CCDC60: variants seen among roughly 807,000 people sequenced by gnomAD.
CCDC60 encodes the protein coiled-coil domain containing 60, also known as coiled-coil domain-containing protein 60.
In CCDC60, 54 loss-of-function variants were observed where a neutral mutation model predicts 63.5. The observed-to-expected ratio is 0.85, with a 90% confidence interval of 0.68 to 1.07. CCDC60 has a LOEUF of 1.07. Ranked by LOEUF, CCDC60 falls within the 50% of genes least tolerant of loss-of-function variation. The pLI is 0.00. For missense variants in CCDC60, 651 were observed against 684.3 expected (o/e 0.95, Z 0.54); for synonymous variants, 206 against 238.8 (o/e 0.86, Z 1.27).
chr12:119,403,467 T>C lies in CCDC60; in HGVS notation c.91-25216T>C, dbSNP rs551004135. ...ATAACGTCGAGCTTTAATCACCAAGTTGCAGATTTCCTGGGCTTGCAGTCC... is the reference window on the plus strand; with the variant it reads ...ATAACGTCGAGCTTTAATCACCAAGCTGCAGATTTCCTGGGCTTGCAGTCC... On this transcript the variant is annotated intron_variant, in intron 1 of 13. Coordinates refer to ENST00000327554, the MANE Select transcript of CCDC60 (RefSeq NM_178499.5). Among the ~76,000 whole-genome samples the C allele has an allele frequency of 2.6e-5, 4 of 152,230 alleles. No homozygotes were observed. In the South Asian group the frequency reaches 6.2e-4, roughly 24 times the overall value.
chr12:119,524,065 G>A (rs1409492723), intron 11 of CCDC60, among the ~76,000 whole-genome samples: 2 of 152,166 alleles, frequency 1.3e-5, no homozygotes, highest in Non-Finnish European at 1.5e-5. Context: ...GAGATAGAGA[G>A]CATAGGTACC....
rs529718184 is a variant in CCDC60 at position 119,477,165 on chromosome 12, C to G, written c.342-1929C>G. Reference sequence around the variant, plus strand: ...TCACAGGCTGCCAGCTTCCCCACAGCATGGCAGCTGAATGCTGAGTGAGCA... The same window carrying G: ...TCACAGGCTGCCAGCTTCCCCACAGGATGGCAGCTGAATGCTGAGTGAGCA... On this transcript the variant is annotated intron_variant, in intron 3 of 13. Coordinates refer to ENST00000327554, the MANE Select transcript of CCDC60 (RefSeq NM_178499.5). Among the ~76,000 whole-genome samples the G allele has an allele frequency of 3.3e-5, 5 of 152,318 alleles. No homozygotes were observed. In the South Asian group the frequency reaches 1.0e-3, roughly 32 times the overall value.
chr12:119,460,623 A>G (rs11064807), intron 2 of CCDC60, among the ~76,000 whole-genome samples: 25,060 of 152,196 alleles, frequency 0.16, 2,351 homozygotes, highest in East Asian at 0.3. Context: ...AGGTCTGTTC[A>G]ATGTCTTCTC....
At chr12:119,415,674 G>A (rs1033869786) in intron 1 of CCDC60, among the ~76,000 whole-genome samples, 3 of 152,184 alleles carry the variant, frequency 2.0e-5, no homozygotes, top group African/African-American at 4.8e-5. Flanking sequence ...GACAATGGAG[G>A]GAAAAGACTG....
chr12:119,503,896 C>T (rs773967385), intron 6 of CCDC60, among the ~76,000 whole-genome samples: 7 of 152,160 alleles, frequency 4.6e-5, no homozygotes, highest in Non-Finnish European at 1.0e-4. Context: ...TCAAACACTA[C>T]GAATTTCATC....
At chr12:119,390,261 T>C (rs1956133046) in intron 1 of CCDC60, among the ~76,000 whole-genome samples, 1 of 152,200 alleles carries the variant, frequency 6.6e-6, no homozygotes, top group African/African-American at 2.4e-5. Context: ...GTTTAGATAC[T>C]ACTTCCCAAA....
At chr12:119,414,922 G>A (rs933528484) in intron 1 of CCDC60, among the ~76,000 whole-genome samples, 1 of 152,302 alleles carries the variant, frequency 6.6e-6, no homozygotes, top group East Asian at 1.9e-4. Context: ...GTGTAACCTT[G>A]AACAACTTCA....
At chr12:119,338,795 C>G (rs969350718) in intron 1 of CCDC60, among the ~76,000 whole-genome samples, 1 of 152,114 alleles carries the variant, frequency 6.6e-6, no homozygotes, top group Non-Finnish European at 1.5e-5. Context: ...GTGGCCTCTC[C>G]CGGGGGAAGG....
chr12:119,391,913 C>T (rs1365527139), intron 1 of CCDC60, among the ~76,000 whole-genome samples: 1 of 152,068 alleles, frequency 6.6e-6, no homozygotes, highest in African/African-American at 2.4e-5. Flanking sequence ...TCTGAGTGCT[C>T]GAGACAGCTG....
intron 2 of CCDC60, among the ~76,000 whole-genome samples, chr12:119,468,598 A>T (rs1215254654): frequency 1.3e-5 from 2 of 152,252 alleles, no homozygotes; most frequent in Admixed American, 1.3e-4. Flanking sequence ...GAGCACATTC[A>T]TAAAGAGCAA....
chr12:119,502,980 G>A (rs1327429559), intron 6 of CCDC60, among the ~76,000 whole-genome samples: 1 of 152,066 alleles, frequency 6.6e-6, no homozygotes, highest in Non-Finnish European at 1.5e-5. Flanking sequence ...ACCAGCCTGG[G>A]CAACATGGTG....
chr12:119,419,890 TTTG>T (rs1453191876), intron 1 of CCDC60, among the ~76,000 whole-genome samples: 8 of 67,668 alleles, frequency 1.2e-4, no homozygotes, highest in African/African-American at 1.9e-4. Flanking sequence ...TTTTTTTTTT[TTTG>T]GAGACAGAGT....
intron 2 of CCDC60, among the ~76,000 whole-genome samples, chr12:119,458,509 A>G (rs1044416484): frequency 3.3e-5 from 5 of 152,158 alleles, no homozygotes; most frequent in Non-Finnish European, 5.9e-5. Flanking sequence ...CATGCCCCCC[A>G]TAATAGAAAG....
rs1271195617 is a variant in CCDC60 at position 119,507,612 on chromosome 12, A to ATTT, written c.883+2310_883+2311insTTT. Among the ~76,000 whole-genome samples the ATTT allele has an allele frequency of 7.5e-3, 342 of 45,390 alleles. 28 individuals carry two copies. The highest frequency in any genetic ancestry group is 0.013 in the African/African-American group (160 of 12,246). 29.8% of individuals were successfully genotyped at this position (45,390 alleles called of 152,430 possible). On this transcript the variant is annotated intron_variant, in intron 7 of 13. Transcript: ENST00000327554. ...TATACATATATATATATATATATAT[A>ATTT]TATTTTTTTTTTTTTTTTCTAGAAA...
At chr12:119,380,814 A>C (rs755643872) in intron 1 of CCDC60, among the ~76,000 whole-genome samples, 3 of 152,202 alleles carry the variant, frequency 2.0e-5, no homozygotes, top group Non-Finnish European at 2.9e-5. Flanking sequence ...GCCTAGCTGT[A>C]ATTGAATAGC....
At chr12:119,481,411 G>A (rs944159325) in intron 4 of CCDC60, among the ~76,000 whole-genome samples, 1 of 152,086 alleles carries the variant, frequency 6.6e-6, no homozygotes, top group African/African-American at 2.4e-5. Context: ...GTGGGGGAGA[G>A]CAGGGAGGAA....
chr12:119,478,991 T>C lies in CCDC60; in HGVS notation c.342-103T>C, dbSNP rs1951240317. 3 of 776,860 alleles carry C rather than the reference T, an allele frequency of 3.9e-6. 1 individual carries two copies. In the South Asian group the frequency reaches 4.3e-5, roughly 11 times the overall value. The allele number at this position is 776,860 out of a possible 1,614,324, so 48.1% of individuals were successfully genotyped here. A position where few individuals can be genotyped will look rare whatever the true frequency, so the allele number is the denominator to read the frequency against. Reference sequence around the variant, plus strand: ...CAGAAATTATTTGCCTGATACATAGTAAGTGTCCAGTCATATCTGCCGAAT... The same window carrying C: ...CAGAAATTATTTGCCTGATACATAGCAAGTGTCCAGTCATATCTGCCGAAT... On this transcript the variant is annotated intron_variant, in intron 3 of 13. Coordinates refer to ENST00000327554, the MANE Select transcript of CCDC60 (RefSeq NM_178499.5).
intron 1 of CCDC60, among the ~76,000 whole-genome samples, chr12:119,339,219 C>T (rs1287321493): frequency 6.6e-6 from 1 of 152,068 alleles, no homozygotes. Flanking sequence ...TTACCACGGA[C>T]CCACGATTTC....
rs374632293 is a variant in CCDC60, at chr12:119,378,752, G to A, written c.90+43486G>A. Among the ~76,000 whole-genome samples, 10 of 152,188 alleles carry A rather than the reference G, an allele frequency of 6.6e-5. No individual in the cohort carries two copies. The East Asian group carries it at 1.2e-3, about 18-fold the overall frequency. The stretch of plus-strand genomic sequence containing the variant: ...AAATTGTTTTTGTTTTTGTTTTTGC[G>A]AAGATCCTCAAGGCACAAGCCTATA... On this transcript the variant is annotated intron_variant, in intron 1 of 13. Transcript: ENST00000327554.
Sources: gnomAD v4.1 joint callset for allele counts (sites outside exome capture counted in the v4.1 genomes callset) on GRCh38, gnomAD v4.1.1 for gene constraint, MANE v1.5 for transcripts, NCBI Gene and HGNC (gene_info 2026-07-23, HGNC 2026-07-21) for gene names.